TBC1D19: variants seen among roughly 807,000 people sequenced by gnomAD.
TBC1D19 encodes TBC1 domain family, member 19.
A neutral mutation model predicts 89.0 loss-of-function variants in TBC1D19; 60 were observed. That is an observed-to-expected ratio of 0.67 (90% CI 0.55 to 0.84). The LOEUF is 0.84. Ranked by LOEUF, TBC1D19 falls within the 40% of genes least tolerant of loss-of-function variation. The pLI is 0.00. For missense variants in TBC1D19, 500 were observed against 610.8 expected (o/e 0.82, Z 1.91); for synonymous variants, 189 against 199.7 (o/e 0.95, Z 0.45).
chr4:26,579,201 T>C (rs1167796520), upstream of TBC1D19, among the ~76,000 whole-genome samples: 1 of 152,198 alleles, frequency 6.6e-6, no homozygotes, highest in Admixed American at 6.5e-5. Flanking sequence ...CCAAATATCA[T>C]TCACAGGGGT....
the TBC1D19 span, among the ~76,000 whole-genome samples, chr4:26,761,508 G>A: frequency 6.6e-6 from 1 of 151,930 alleles, no homozygotes; most frequent in Non-Finnish European, 1.5e-5. Flanking sequence ...CCAATCTTTT[G>A]TTATTAAAAT....
chr4:26,640,532 T>C (rs1467414062), intron 7 of TBC1D19, among the ~76,000 whole-genome samples: 1 of 152,166 alleles, frequency 6.6e-6, no homozygotes, highest in Non-Finnish European at 1.5e-5. Flanking sequence ...CTGAGGCACC[T>C]GGTTCACCTC....
At chr4:26,689,369 C>A (rs986292431) in intron 13 of TBC1D19, among the ~76,000 whole-genome samples, 17 of 152,018 alleles carry the variant, frequency 1.1e-4, no homozygotes, top group Non-Finnish European at 1.6e-4. Context: ...CAAAAATCTT[C>A]TTCTAAAAGT....
At position 26,717,972 on chromosome 4, in the gene TBC1D19, C is replaced by T. The variant is rs1233490496; in HGVS notation, c.994C>T (p.His332Tyr). ...CFSRDTSVLS[H>Y]FAFNSASPPK... ...TTCCCGGGATACATCTGTGTTGAGT[C>T]ACTTTGCATTCAACAGTGCCTCGCC... The change falls in exon 14 of 21, where the codon CAC becomes TAC. Residue 332 changes from histidine (H) to tyrosine (Y), a missense_variant. Transcript: ENST00000264866. 6.2e-7 allele frequency: 1 copy of T among 1,611,928 alleles called. No homozygotes were observed. The highest frequency in any genetic ancestry group is 8.5e-7 in the Non-Finnish European group (1 of 1,179,016).
chr4:26,726,742 G>A (rs1717343881), intron 15 of TBC1D19, among the ~76,000 whole-genome samples: 1 of 152,202 alleles, frequency 6.6e-6, no homozygotes, highest in African/African-American at 2.4e-5. Flanking sequence ...TTCAGCTGGA[G>A]TGAAGTTGAA....
At chr4:26,832,349 C>T in the TBC1D19 span, among the ~76,000 whole-genome samples, 1 of 152,184 alleles carries the variant, frequency 6.6e-6, no homozygotes, top group Admixed American at 6.5e-5. Flanking sequence ...GAATCATAGA[C>T]TCTGGCATTG....
chr4:26,640,779 C>A (rs1743446063), intron 7 of TBC1D19, among the ~76,000 whole-genome samples: 1 of 152,210 alleles, frequency 6.6e-6, no homozygotes, highest in Non-Finnish European at 1.5e-5. Context: ...CAGCAGGTCC[C>A]ATGCCCACAG....
At chr4:26,582,838 G>A (rs1345417193), upstream of TBC1D19, among the ~76,000 whole-genome samples, 2 of 152,124 alleles carry the variant, frequency 1.3e-5, no homozygotes, top group African/African-American at 4.8e-5. Context: ...CTGGATGGTG[G>A]TGTTATAAAT....
intron 13 of TBC1D19, among the ~76,000 whole-genome samples, chr4:26,717,038 T>G (rs749554165): frequency 3.9e-5 from 6 of 152,154 alleles, no homozygotes; most frequent in Non-Finnish European, 5.9e-5. Context: ...GTGGTTGATA[T>G]GCATTCCACC....
intron 7 of TBC1D19, among the ~76,000 whole-genome samples, chr4:26,655,464 G>A (rs559297165): frequency 2.6e-5 from 4 of 152,318 alleles, no homozygotes; most frequent in South Asian, 4.1e-4. Flanking sequence ...TGCCCTGCCC[G>A]CAGAGGTGGA....
intron 15 of TBC1D19, among the ~76,000 whole-genome samples, chr4:26,731,690 A>C (rs1415863995): frequency 6.6e-6 from 1 of 152,156 alleles, no homozygotes; most frequent in South Asian, 2.1e-4. Context: ...CCAGAAACAA[A>C]ACAAACACTC....
chr4:26,653,261 A>C (rs1744535813), intron 7 of TBC1D19, among the ~76,000 whole-genome samples: 1 of 152,140 alleles, frequency 6.6e-6, no homozygotes, highest in South Asian at 2.1e-4. Context: ...GTTCTTTTAC[A>C]TTTGCTGAGG....
intron 1 of TBC1D19, among the ~76,000 whole-genome samples, chr4:26,577,192 A>G (rs1255502570): frequency 6.6e-6 from 1 of 152,098 alleles, no homozygotes. Context: ...TTTTAACTGA[A>G]CATTCAGCTT....
the TBC1D19 span, among the ~76,000 whole-genome samples, chr4:26,769,060 C>G: frequency 6.6e-6 from 1 of 151,864 alleles, no homozygotes; most frequent in East Asian, 1.9e-4. Flanking sequence ...TAAAAGCAGC[C>G]CAAGAAGTCC....
At chr4:26,763,620 C>A in the TBC1D19 span, among the ~76,000 whole-genome samples, 3 of 152,314 alleles carry the variant, frequency 2.0e-5, no homozygotes, top group African/African-American at 7.2e-5. Flanking sequence ...AGCTGCATCC[C>A]AACAACCTTG....
chr4:26,685,008 G>T (rs1713686573), intron 12 of TBC1D19, among the ~76,000 whole-genome samples: 1 of 152,222 alleles, frequency 6.6e-6, no homozygotes, highest in Non-Finnish European at 1.5e-5. Flanking sequence ...GCAAAACAGG[G>T]TTGGGGTAGA....
chr4:26,576,816 C>T (rs1407855608), intron 1 of TBC1D19: 2 of 456,000 alleles, frequency 4.4e-6, no homozygotes, highest in African/African-American at 4.0e-5. Context: ...AGGACAAGGG[C>T]CAGGTATGAC....
At chr4:26,799,350 A>T in the TBC1D19 span, among the ~76,000 whole-genome samples, 1 of 152,150 alleles carries the variant, frequency 6.6e-6, no homozygotes, top group Admixed American at 6.5e-5. Flanking sequence ...GAGGAAAAAA[A>T]CAAACAAACA....
At chr4:26,855,760 T>C in the TBC1D19 span, among the ~76,000 whole-genome samples, 1 of 152,380 alleles carries the variant, frequency 6.6e-6, no homozygotes, top group South Asian at 2.1e-4. Flanking sequence ...TGAAAGTAGG[T>C]AATTCCTTTT....
Sources: gnomAD v4.1 joint callset for allele counts (sites outside exome capture counted in the v4.1 genomes callset) on GRCh38, gnomAD v4.1.1 for gene constraint, MANE v1.5 for transcripts, NCBI Gene and HGNC (gene_info 2026-07-23, HGNC 2026-07-21) for gene names.